EFCAB6: variants seen among roughly 807,000 people sequenced by gnomAD.
EFCAB6 encodes the protein EF-hand calcium-binding domain-containing protein 6.
Under a neutral mutation model 169.8 loss-of-function variants are expected in EFCAB6, and 156 were observed. The observed-to-expected ratio is 0.92, with a 90% CI of 0.81 to 1.05. The LOEUF is 1.05. Ranked by LOEUF, EFCAB6 falls within the 50% of genes least tolerant of loss-of-function variation. The probability of loss-of-function intolerance (pLI) is 0.00; values close to 1 mark genes in which losing one functional copy is unlikely to be tolerated. For synonymous variants in EFCAB6, 698 were observed against 676.4 expected, an observed-to-expected ratio of 1.03 and a Z score of -0.50; for missense variants, 1,800 against 1,829.1, an observed-to-expected ratio of 0.98 and a Z score of 0.29.
At chr22:43,603,452 C>T (rs1303539918) in intron 22 of EFCAB6, among the ~76,000 whole-genome samples, 1 of 152,230 alleles carries the variant, frequency 6.6e-6, no homozygotes, top group African/African-American at 2.4e-5. Context: ...AACTCACATT[C>T]GTGGATGGTG....
chr22:43,608,685 A>AT, intron 21 of EFCAB6, 85 bp from the exon 22 acceptor site: 1 of 1,293,728 alleles, frequency 7.7e-7, no homozygotes, highest in Non-Finnish European at 1.1e-6. Context: ...AATATGTGGG[A>AT]AACTCTAAGG....
At chr22:43,699,385 G>T (rs1336768473) in intron 10 of EFCAB6, among the ~76,000 whole-genome samples, 1 of 152,098 alleles carries the variant, frequency 6.6e-6, no homozygotes, top group Non-Finnish European at 1.5e-5. Context: ...TTCAGTAACT[G>T]CTCCCTTTCT....
At chr22:43,715,563 CTCT>C (rs1333729846) in intron 9 of EFCAB6, among the ~76,000 whole-genome samples, 2 of 152,058 alleles carry the variant, frequency 1.3e-5, no homozygotes, top group African/African-American at 2.4e-5. Context: ...GAGTATGATC[CTCT>C]TCTTATAAAA....
At chr22:43,602,546 C>T (rs148898415) in intron 22 of EFCAB6, among the ~76,000 whole-genome samples, 14 of 152,112 alleles carry the variant, frequency 9.2e-5, no homozygotes, top group African/African-American at 4.8e-5. Context: ...CAGGGCCATG[C>T]CTCTCTCCTT....
At position 43,737,877 on chromosome 22, in the gene EFCAB6, G is replaced by A. The variant is rs181958585; in HGVS notation, c.508-1884C>T. Reference sequence around the variant, plus strand: ...CACATACATACATGCACATATACTCGCATACACTCACACCATCACTCACAT... The same window carrying A: ...CACATACATACATGCACATATACTCACATACACTCACACCATCACTCACAT... On this transcript the variant is annotated intron_variant, in intron 6 of 31. Transcript: ENST00000262726. Among the ~76,000 whole-genome samples the A allele has an allele frequency of 2.5e-4, 35 of 139,092 alleles. 1 individual carries two copies. The highest frequency in any genetic ancestry group is 2.5e-3 in the East Asian group (11 of 4,476). 91.2% of individuals were successfully genotyped at this position (139,092 alleles called of 152,430 possible).
At chr22:43,678,329 C>CTGTGTGTGTGTGTGTGTGTGTGTG (rs137787) in intron 12 of EFCAB6, among the ~76,000 whole-genome samples, 166 bp from the exon 13 acceptor site, 5 of 144,262 alleles carry the variant, frequency 3.5e-5, no homozygotes, top group South Asian at 2.3e-4. Flanking sequence ...AACATGAGCA[C>CTGTGTGTGTGTGTGTGTGTGTGTG]TGTGTGTGTG....
intron 21 of EFCAB6, among the ~76,000 whole-genome samples, chr22:43,609,894 C>T (rs2053184952): frequency 6.6e-6 from 1 of 152,116 alleles, no homozygotes; most frequent in Admixed American, 6.5e-5. Context: ...TCAGTAATAC[C>T]CACGGGCTGT....
chr22:43,780,635 GC>G (rs905000775), intron 3 of EFCAB6, among the ~76,000 whole-genome samples: 10 of 152,126 alleles, frequency 6.6e-5, no homozygotes, highest in Admixed American at 6.5e-4. Context: ...GAACTGGGAT[GC>G]ATTTATTGCT....
intron 3 of EFCAB6, among the ~76,000 whole-genome samples, chr22:43,776,124 G>A (rs1014952897): frequency 3.9e-5 from 6 of 152,220 alleles, no homozygotes; most frequent in Non-Finnish European, 8.8e-5. Context: ...ATATCTAAGC[G>A]GGATGTCCAT....
intron 3 of EFCAB6, among the ~76,000 whole-genome samples, chr22:43,777,058 T>C (rs2061663296): frequency 6.6e-6 from 1 of 152,122 alleles, no homozygotes; most frequent in Non-Finnish European, 1.5e-5. Context: ...ACATGATCTA[T>C]CGGATCTGTA....
At chr22:43,781,073 C>T (rs886240754) in intron 3 of EFCAB6, among the ~76,000 whole-genome samples, 16 of 152,034 alleles carry the variant, frequency 1.1e-4, no homozygotes, top group Non-Finnish European at 2.2e-4. Context: ...ATTCTTAGCA[C>T]CTATTACAGT....
At chr22:43,691,438 A>G (rs190018892) in intron 10 of EFCAB6, among the ~76,000 whole-genome samples, 173 of 152,270 alleles carry the variant, frequency 1.1e-3, no homozygotes, top group African/African-American at 4.0e-3. Flanking sequence ...TTAGTATTAC[A>G]TACTAAAATA....
Position 43,784,662 on chromosome 22 carries a change from TAC to T in EFCAB6, c.-7-2339_-7-2338del, listed in dbSNP as rs773167411. ...ATGTACACATATATATGTGTATATA[TAC>T]ATATACATATATACACACACACACA... On this transcript the variant is annotated intron_variant, in intron 2 of 31. Coordinates refer to ENST00000262726, the MANE Select transcript of EFCAB6 (RefSeq NM_022785.4). Among the ~76,000 whole-genome samples, 10 of 84,608 alleles carry T rather than the reference TAC, an allele frequency of 1.2e-4. No homozygotes were observed. In the Admixed American group the frequency reaches 1.2e-3, roughly 10 times the overall value. 55.5% of individuals were successfully genotyped at this position (84,608 alleles called of 152,430 possible).
At chr22:43,630,843 T>C (rs1220858653) in intron 19 of EFCAB6, among the ~76,000 whole-genome samples, 1 of 152,202 alleles carries the variant, frequency 6.6e-6, no homozygotes, top group Non-Finnish European at 1.5e-5. Context: ...CCACTTAGCC[T>C]GGATGAGATC....
chr22:43,763,439 A>T (rs2147916493), intron 5 of EFCAB6, among the ~76,000 whole-genome samples: 1 of 152,176 alleles, frequency 6.6e-6, no homozygotes, highest in South Asian at 2.1e-4. Context: ...TGTGCAAAAG[A>T]TCTCTAGAAC....
chr22:43,604,156 C>T (rs927744118), intron 22 of EFCAB6, among the ~76,000 whole-genome samples: 6 of 152,108 alleles, frequency 3.9e-5, no homozygotes, highest in African/African-American at 7.2e-5. Flanking sequence ...CCTGTGGAAC[C>T]GTGAGCCAAT....
intron 2 of EFCAB6, among the ~76,000 whole-genome samples, chr22:43,794,531 T>C (rs983479080): frequency 6.6e-6 from 1 of 152,248 alleles, no homozygotes; most frequent in African/African-American, 2.4e-5. Context: ...TGTATTCGTA[T>C]GTAAACAGAT....
chr22:43,752,780 C>G (rs1428102372), intron 6 of EFCAB6, among the ~76,000 whole-genome samples: 2 of 152,196 alleles, frequency 1.3e-5, no homozygotes, highest in Non-Finnish European at 2.9e-5. Flanking sequence ...GCCCTCCTGA[C>G]TTCTTGGGTG....
chr22:43,787,077 G>T (rs572350512), intron 2 of EFCAB6, among the ~76,000 whole-genome samples: 1 of 151,906 alleles, frequency 6.6e-6, no homozygotes, highest in Non-Finnish European at 1.5e-5. Flanking sequence ...CTTAATAAAG[G>T]ACATCCAAAA....
Sources: allele counts gnomAD v4.1 joint callset (sites outside exome capture counted in the v4.1 genomes callset), GRCh38; gene constraint gnomAD v4.1.1; transcripts MANE v1.5; gene names NCBI Gene and HGNC (gene_info 2026-07-23, HGNC 2026-07-21).